The following PRKG1 variants were observed in gnomAD, a reference collection of about 807,000 sequenced individuals.
PRKG1 encodes protein kinase cGMP-dependent 1.
Under a neutral mutation model 88.1 loss-of-function variants are expected in PRKG1, and 35 were observed. The ratio of observed to expected loss-of-function variants is 0.40; its 90% CI spans 0.30 to 0.53. PRKG1 has a LOEUF of 0.53. Among genes scored for constraint, PRKG1 ranks in the 20% least tolerant of loss-of-function variants. The probability of loss-of-function intolerance (pLI) is 0.59; values close to 1 mark genes in which losing one functional copy is unlikely to be tolerated. For synonymous variants in PRKG1, 303 were observed against 292.5 expected (o/e 1.04, Z -0.37); for missense variants, 540 against 839.8 (o/e 0.64, Z 4.41).
At chr10:51,662,797 A>G (rs1185989979) in intron 3 of PRKG1, among the ~76,000 whole-genome samples, 1 of 152,148 alleles carries the variant, frequency 6.6e-6, no homozygotes, top group Non-Finnish European at 1.5e-5. Flanking sequence ...AAGACTGAAA[A>G]TGGGGAAAGA....
chr10:51,129,807 C>G (rs1005431030), intron 1 of PRKG1, among the ~76,000 whole-genome samples: 16 of 152,134 alleles, frequency 1.1e-4, no homozygotes, highest in African/African-American at 3.1e-4. Flanking sequence ...GATGACTTCC[C>G]TAGCCCTGAA....
At chr10:52,110,780 G>A (rs1444005985) in intron 7 of PRKG1, among the ~76,000 whole-genome samples, 1 of 152,030 alleles carries the variant, frequency 6.6e-6, no homozygotes, top group Non-Finnish European at 1.5e-5. Context: ...ATGATCATTC[G>A]TCTGTCATAG....
At chr10:51,740,559 C>T (rs1027750376) in intron 3 of PRKG1, among the ~76,000 whole-genome samples, 5 of 152,184 alleles carry the variant, frequency 3.3e-5, no homozygotes, top group Admixed American at 2.6e-4. Context: ...CTCATATCTA[C>T]TTTTCATTCT....
intron 2 of PRKG1, among the ~76,000 whole-genome samples, chr10:51,196,689 A>G (rs1564634494): frequency 6.6e-6 from 1 of 152,204 alleles, no homozygotes. Context: ...AATTCAGCAG[A>G]AAGTTTAAAC....
At chr10:51,388,380 G>A (rs900679922) in intron 2 of PRKG1, among the ~76,000 whole-genome samples, 1 of 152,134 alleles carries the variant, frequency 6.6e-6, no homozygotes, top group Non-Finnish European at 1.5e-5. Flanking sequence ...CTGAATTTAA[G>A]TCCAGGACTC....
intron 2 of PRKG1, among the ~76,000 whole-genome samples, chr10:51,290,408 G>A (rs1840554567): frequency 1.3e-5 from 2 of 152,094 alleles, no homozygotes; most frequent in Non-Finnish European, 2.9e-5. Flanking sequence ...AGGATTACTT[G>A]AGCCCAGGAT....
chr10:52,095,667 T>C (rs1847156206), intron 7 of PRKG1, among the ~76,000 whole-genome samples: 1 of 152,174 alleles, frequency 6.6e-6, no homozygotes, highest in Admixed American at 6.5e-5. Flanking sequence ...AGTTGCTAGA[T>C]GCAGAAATGA....
chr10:51,679,492 A>G (rs1472804041), intron 3 of PRKG1, among the ~76,000 whole-genome samples: 4 of 151,932 alleles, frequency 2.6e-5, no homozygotes, highest in African/African-American at 9.7e-5. Context: ...TCCTTTGGAG[A>G]AATCTGAACT....
chr10:52,075,453 GAA>G (rs896269388), intron 7 of PRKG1, among the ~76,000 whole-genome samples: 1 of 151,978 alleles, frequency 6.6e-6, no homozygotes, highest in African/African-American at 2.4e-5. Context: ...GAACAATTTA[GAA>G]AAAAAGAAAG....
intron 7 of PRKG1, among the ~76,000 whole-genome samples, chr10:52,108,455 T>C (rs1391931370): frequency 6.6e-6 from 1 of 152,188 alleles, no homozygotes; most frequent in Non-Finnish European, 1.5e-5. Context: ...ATTCAAACAA[T>C]GACCTGTCAA....
intron 3 of PRKG1, among the ~76,000 whole-genome samples, chr10:51,493,311 T>A (rs1191094366): frequency 6.6e-6 from 1 of 152,176 alleles, no homozygotes; most frequent in Non-Finnish European, 1.5e-5. Context: ...ATTTCCAAAT[T>A]CCAGGTGTTG....
chr10:51,866,834 G>A (rs770944858), intron 4 of PRKG1, among the ~76,000 whole-genome samples: 72 of 152,210 alleles, frequency 4.7e-4, no homozygotes, highest in Middle Eastern at 6.8e-3. Context: ...ATACTACCAG[G>A]AAATGTGCTT....
intron 2 of PRKG1, among the ~76,000 whole-genome samples, chr10:51,217,766 G>T (rs1024903721): frequency 3.3e-5 from 5 of 152,056 alleles, no homozygotes; most frequent in Admixed American, 2.0e-4. Flanking sequence ...AAACACTCCT[G>T]TGCAGTTATT....
At chr10:51,691,206 A>G (rs1054966195) in intron 3 of PRKG1, among the ~76,000 whole-genome samples, 4 of 151,116 alleles carry the variant, frequency 2.6e-5, no homozygotes, top group African/African-American at 9.7e-5. Flanking sequence ...AAAATGCATC[A>G]AGATTTTTGT....
chr10:51,212,040 G>A (rs1838235844), intron 2 of PRKG1, among the ~76,000 whole-genome samples: 1 of 152,110 alleles, frequency 6.6e-6, no homozygotes, highest in African/African-American at 2.4e-5. Context: ...AAAGCTGGAG[G>A]CATCACACTA....
chr10:51,869,705 GAGAA>G (rs1841109066), intron 4 of PRKG1, among the ~76,000 whole-genome samples: 1 of 151,872 alleles, frequency 6.6e-6, no homozygotes, highest in African/African-American at 2.4e-5. Context: ...ATTATGAAGA[GAGAA>G]AGGAGAAAAA....
intron 3 of PRKG1, among the ~76,000 whole-genome samples, chr10:51,755,011 C>CAAA (rs11450493): frequency 3.8e-5 from 5 of 130,842 alleles, no homozygotes; most frequent in African/African-American, 1.1e-4. Context: ...AACTCAATTA[C>CAAA]AAAAAAAAAA....
At chr10:52,280,728 A>G (rs969695635) in intron 12 of PRKG1, 61 bp from the exon 13 acceptor site, 51 of 1,544,320 alleles carry the variant, frequency 3.3e-5, no homozygotes, top group Non-Finnish European at 4.3e-5. Flanking sequence ...GAAAAAAAAA[A>G]TAAAGCCATA....
At chr10:52,079,471 A>G (rs903322354) in intron 7 of PRKG1, among the ~76,000 whole-genome samples, 7 of 152,116 alleles carry the variant, frequency 4.6e-5, no homozygotes, top group African/African-American at 1.7e-4. Context: ...AAGCCTGCAC[A>G]TCTCCTTCTA....
Sources: allele counts gnomAD v4.1 joint callset (sites outside exome capture counted in the v4.1 genomes callset), GRCh38; gene constraint gnomAD v4.1.1; transcripts MANE v1.5; gene names NCBI Gene and HGNC (gene_info 2026-07-23, HGNC 2026-07-21).